Variants in HIBCH observed in about 807,000 individuals in gnomAD.
HIBCH encodes the protein 3-hydroxyisobutyryl-CoA hydrolase.
HIBCH carries 50 observed loss-of-function variants against 58.2 expected under a neutral mutation model. The observed-to-expected ratio is 0.86, with a 90% confidence interval of 0.68 to 1.09. HIBCH has a LOEUF of 1.09. Ranked by LOEUF, HIBCH falls within the 50% of genes least tolerant of loss-of-function variation. The pLI is 0.00. For missense variants in HIBCH, 450 were observed against 449.7 expected (o/e 1.00, Z -0.01); for synonymous variants, 151 against 146.9 (o/e 1.03, Z -0.20).
In HIBCH at chr2:190,254,913, T is replaced by C. The variant is rs1483506147; in HGVS notation, c.518-2606A>G. On this transcript the variant is annotated intron_variant, in intron 7 of 13. Transcript: ENST00000359678. The surrounding 1 kb of genome is among the most constrained non-coding windows in gnomAD (Gnocchi z 5.0). ...ATGTAGCTATTAAACACCTGAAATGTAGCTGGTGTGACTGAGGAACTGAAT... is the reference window on the plus strand; with the variant it reads ...ATGTAGCTATTAAACACCTGAAATGCAGCTGGTGTGACTGAGGAACTGAAT... 6.6e-6 allele frequency among the ~76,000 whole-genome samples: 1 copy of C among 152,212 alleles called. No homozygotes were observed. The highest frequency in any genetic ancestry group is 1.5e-5 in the Non-Finnish European group (1 of 68,034).
chr2:190,297,047 A>T, intron 2 of HIBCH, 94 bp from the exon 3 acceptor site: 1 of 1,145,140 alleles, frequency 8.7e-7, no homozygotes, highest in Non-Finnish European at 1.3e-6. Flanking sequence ...AATCTTGCAT[A>T]TTAATGGTAA....
chr2:190,319,185 A>T (rs370092487), intron 1 of HIBCH, among the ~76,000 whole-genome samples: 12 of 152,218 alleles, frequency 7.9e-5, no homozygotes, highest in African/African-American at 2.7e-4. Context: ...TCAAAAAGTT[A>T]AACAATGTTT....
At chr2:190,298,462 A>G (rs1219938515) in intron 2 of HIBCH, among the ~76,000 whole-genome samples, 2 of 152,190 alleles carry the variant, frequency 1.3e-5, no homozygotes, top group Non-Finnish European at 2.9e-5. Flanking sequence ...GTGAGATGGT[A>G]TCTCATTGAG....
chr2:190,234,565 T>G (rs1686206752), intron 11 of HIBCH, among the ~76,000 whole-genome samples: 1 of 152,074 alleles, frequency 6.6e-6, no homozygotes, highest in South Asian at 2.1e-4. Flanking sequence ...ACAATTTCAT[T>G]TATATAAAAT....
At chr2:190,275,536 G>A (rs1386077575) in intron 6 of HIBCH, among the ~76,000 whole-genome samples, 1 of 152,112 alleles carries the variant, frequency 6.6e-6, no homozygotes, top group Non-Finnish European at 1.5e-5. Flanking sequence ...GTCTGAAAGG[G>A]CCCCTATCAG....
chr2:190,287,525 T>C, intron 6 of HIBCH, 61 bp downstream of exon 6: 1 of 1,057,994 alleles, frequency 9.5e-7, no homozygotes. Flanking sequence ...TGTTTAATAA[T>C]TATTAACTTA....
chr2:190,236,359 TGTTA>T lies in HIBCH; in HGVS notation c.891+8524_891+8527del, dbSNP rs1686273561. Among the ~76,000 whole-genome samples, 1 of 130,342 alleles carries T rather than the reference TGTTA, an allele frequency of 7.7e-6. No homozygotes were observed. Among genetic ancestry groups the T allele is most frequent in the South Asian group, 2.3e-4 (1 of 4,256 alleles). The allele number at this position is 130,342 out of a possible 152,430, so 85.5% of individuals were successfully genotyped here. On this transcript the variant is annotated intron_variant, in intron 11 of 13. Transcript: ENST00000359678. This position sits in a 1 kb window ranked among gnomAD's most constrained non-coding sequence, Gnocchi z 4.1. ...AAGTGACAAAAGCTCTATTATACTC[TGTTA>T]GTTTTTAATTTTTTAAGCTAGTTTA...
chr2:190,190,175 T>C (rs1042750675), intron 1 of HIBCH, among the ~76,000 whole-genome samples: 12 of 152,198 alleles, frequency 7.9e-5, no homozygotes, highest in Admixed American at 1.3e-4. Flanking sequence ...AATTAAGATA[T>C]AGAATTTTTT....
chr2:190,314,351 ATATATACG>A (rs1688651330), intron 1 of HIBCH, among the ~76,000 whole-genome samples: 1 of 41,850 alleles, frequency 2.4e-5, no homozygotes, highest in African/African-American at 7.6e-5. Context: ...ATATATGTGT[ATATATACG>A]TATATATATA....
chr2:190,300,516 GT>G (rs556226948), intron 2 of HIBCH, among the ~76,000 whole-genome samples: 1 of 151,296 alleles, frequency 6.6e-6, no homozygotes, highest in African/African-American at 2.4e-5. Flanking sequence ...TAATGGGGTT[GT>G]TTTTTTCTTA....
At position 190,243,217 on chromosome 2, in the gene HIBCH, A is replaced by T. The variant is rs531015630; in HGVS notation, c.891+1670T>A. Reference sequence around the variant, plus strand: ...TGCCAGAGAATATAAAGCAGGCAGAAAACCGTGTAAAGGAGAGACTGGCCT... The same window carrying T: ...TGCCAGAGAATATAAAGCAGGCAGATAACCGTGTAAAGGAGAGACTGGCCT... On this transcript the variant is annotated intron_variant, in intron 11 of 13. Transcript: ENST00000359678. This position sits in a 1 kb window ranked among gnomAD's most constrained non-coding sequence, Gnocchi z 4.1. Among the ~76,000 whole-genome samples the T allele has an allele frequency of 6.6e-6, 1 of 152,310 alleles. No homozygotes were observed. Among genetic ancestry groups the T allele is most frequent in the African/African-American group, 2.4e-5 (1 of 41,568 alleles).
chr2:190,251,116 A>G (rs1426123981), intron 8 of HIBCH, among the ~76,000 whole-genome samples: 1 of 152,200 alleles, frequency 6.6e-6, no homozygotes, highest in Admixed American at 6.5e-5. Flanking sequence ...GGCAACCTCT[A>G]AAAATATAAA....
rs182590740 is a variant in HIBCH, at chr2:190,232,617, T to G, written c.891+12270A>C. On this transcript the variant is annotated intron_variant, in intron 11 of 13. Coordinates refer to ENST00000359678, the MANE Select transcript of HIBCH (RefSeq NM_014362.4). ...TTGCTACAAGAGTACAACTATACGT[T>G]GGTGCAGAAGCAATTGTAGTTTTTG... Among the ~76,000 whole-genome samples the G allele has an allele frequency of 2.5e-3, 384 of 152,324 alleles. 5 individuals carry two copies. The highest frequency in any genetic ancestry group is 4.6e-4 in the Non-Finnish European group (31 of 68,030).
chr2:190,200,250 A>G (rs1690188016), downstream of HIBCH: 1 of 926,198 alleles, frequency 1.1e-6, no homozygotes, highest in Non-Finnish European at 1.7e-6. Flanking sequence ...ATCTGGATTT[A>G]AAAATGTGTC....
At chr2:190,292,347 C>G (rs904016641) in intron 4 of HIBCH, among the ~76,000 whole-genome samples, 2 of 152,062 alleles carry the variant, frequency 1.3e-5, no homozygotes, top group Non-Finnish European at 2.9e-5. Flanking sequence ...GCCTTGTCAC[C>G]AGGCTGGAGT....
rs768715955 is a variant in HIBCH at position 190,299,861 on chromosome 2, C to CT, written c.79-2909dup. 1.1e-4 allele frequency among the ~76,000 whole-genome samples: 17 copies of CT among 152,072 alleles called. 1 individual carries two copies. Among genetic ancestry groups the CT allele is most frequent in the African/African-American group, 2.4e-5 (1 of 41,416 alleles). ...AAGCCCCAGTGTCTGTTGTTTTCCT[C>CT]TTTGTGTCCATGTGTTCACATCATT... On this transcript the variant is annotated intron_variant, in intron 2 of 13. Coordinates refer to ENST00000359678, the MANE Select transcript of HIBCH (RefSeq NM_014362.4).
At position 190,271,175 on chromosome 2, in the gene HIBCH, T is replaced by C. The variant is rs112441119; in HGVS notation, c.439-9941A>G. 5.6e-3 allele frequency among the ~76,000 whole-genome samples: 855 copies of C among 152,108 alleles called. 5 individuals are homozygous for C. Among genetic ancestry groups the C allele is most frequent in the African/African-American group, 0.02 (811 of 41,460 alleles). Reference sequence around the variant, plus strand: ...AGCCTAGACACCTGAAAGTCATTCTTGCTCCACTTTATCCATCACATACAA... The same window carrying C: ...AGCCTAGACACCTGAAAGTCATTCTCGCTCCACTTTATCCATCACATACAA... On this transcript the variant is annotated intron_variant, in intron 6 of 13. Coordinates refer to ENST00000359678, the MANE Select transcript of HIBCH (RefSeq NM_014362.4).
chr2:190,246,148 A>C lies in HIBCH; in HGVS notation c.809+6T>G. The stretch of plus-strand genomic sequence containing the variant: ...GAATATATAACTGAGATCTCTTTTT[A>C]GGTACCTGTTTATTTTGTCCATGTG... On this transcript the variant is annotated splice_donor_region_variant and intron_variant, in intron 10 of 13. Transcript: ENST00000359678. 1 of 1,506,748 alleles carries C rather than the reference A, an allele frequency of 6.6e-7. No individual in the cohort carries two copies. Among genetic ancestry groups the C allele is most frequent in the Non-Finnish European group, 9.2e-7 (1 of 1,083,194 alleles). 93.3% of individuals were successfully genotyped at this position (1,506,748 alleles called of 1,614,324 possible). A position where few individuals can be genotyped will look rare whatever the true frequency, so the allele number is the denominator to read the frequency against.
chr2:190,309,384 CTTG>C lies in HIBCH; in HGVS notation c.78+1367_78+1369del, dbSNP rs1253830804. 2.0e-5 allele frequency among the ~76,000 whole-genome samples: 3 copies of C among 152,030 alleles called. No homozygotes were observed. In the East Asian group the frequency reaches 5.8e-4, roughly 29 times the overall value. Reference sequence around the variant, plus strand: ...CCTAGAATACAGTGATATCAGATGACTTGTTATTTTTATGTGCAATTTACTTGT... The same window carrying C: ...CCTAGAATACAGTGATATCAGATGACTTATTTTTATGTGCAATTTACTTGT... On this transcript the variant is annotated intron_variant, in intron 2 of 13. Coordinates refer to ENST00000359678, the MANE Select transcript of HIBCH (RefSeq NM_014362.4).
Sources: allele counts gnomAD v4.1 joint callset (sites outside exome capture counted in the v4.1 genomes callset), GRCh38; gene constraint gnomAD v4.1.1; non-coding constraint Gnocchi (gnomAD v3.1); transcripts MANE v1.5; gene names NCBI Gene and HGNC (gene_info 2026-07-23, HGNC 2026-07-21).